CYYR1: variants seen among roughly 807,000 people sequenced by gnomAD.
The protein encoded by CYYR1 is cysteine and tyrosine rich 1.
In CYYR1, 14 loss-of-function variants were observed where a neutral mutation model predicts 15.2. The observed-to-expected ratio is 0.92, with a 90% CI of 0.61 to 1.44. The LOEUF (loss-of-function observed/expected upper bound fraction) is 1.44, where lower values mean the gene tolerates loss of function less well. Ranked by LOEUF, CYYR1 falls within the 40% of genes most tolerant of loss-of-function variation. The pLI is 0.00. For synonymous variants in CYYR1, 80 were observed against 77.4 expected, an observed-to-expected ratio of 1.03 and a Z score of -0.18; for missense variants, 228 against 209.5, an observed-to-expected ratio of 1.09 and a Z score of -0.54.
At chr21:26,564,048 G>A (rs1164537218) in intron 2 of CYYR1, among the ~76,000 whole-genome samples, 1 of 151,748 alleles carries the variant, frequency 6.6e-6, no homozygotes, top group Non-Finnish European at 1.5e-5. Flanking sequence ...GAATGTGCCC[G>A]GATGCTTGAA....
At chr21:26,548,433 A>G (rs1020759143) in intron 2 of CYYR1, among the ~76,000 whole-genome samples, 2 of 152,232 alleles carry the variant, frequency 1.3e-5, no homozygotes, top group Non-Finnish European at 2.9e-5. Flanking sequence ...TACAGCCTCG[A>G]ACTCCTGGGC....
At chr21:26,536,419 A>G (rs971670597) in intron 2 of CYYR1, among the ~76,000 whole-genome samples, 1 of 152,198 alleles carries the variant, frequency 6.6e-6, no homozygotes. Context: ...GGTATACCAA[A>G]GGGAGGTGAT....
chr21:26,518,908 C>A (rs1267986125), intron 2 of CYYR1, among the ~76,000 whole-genome samples: 1 of 152,184 alleles, frequency 6.6e-6, no homozygotes, highest in African/African-American at 2.4e-5. Flanking sequence ...GGAATCCGTA[C>A]AACTTTTTTC....
At chr21:26,474,168 T>A (rs1040575245) in intron 3 of CYYR1, among the ~76,000 whole-genome samples, 1 of 150,390 alleles carries the variant, frequency 6.6e-6, no homozygotes, top group Non-Finnish European at 1.5e-5. Flanking sequence ...TGCCTCAGCA[T>A]CCTGAGTAGC....
At chr21:26,500,368 G>C (rs1219213741) in intron 2 of CYYR1, among the ~76,000 whole-genome samples, 2 of 152,154 alleles carry the variant, frequency 1.3e-5, no homozygotes, top group Admixed American at 1.3e-4. Context: ...TCAGCCTGGA[G>C]CTCTTCTAGG....
At chr21:26,568,734 A>G (rs750686134) in intron 1 of CYYR1, 19 of 152,220 alleles carry the variant, frequency 1.2e-4, no homozygotes, top group Non-Finnish European at 1.8e-4. Flanking sequence ...TCCAGAATCT[A>G]TAAGGAGGTT....
rs561221232 is a variant in CYYR1, at chr21:26,490,341, G to A, written c.177-9912C>T. On this transcript the variant is annotated intron_variant, in intron 2 of 3. Coordinates refer to ENST00000652641, the MANE Select transcript of CYYR1 (RefSeq NM_001320768.2). Reference sequence around the variant, plus strand: ...ATATATATATATTGAGCATCACTACGTGCTAGCACTATTCTGGGTACTACG... The same window carrying A: ...ATATATATATATTGAGCATCACTACATGCTAGCACTATTCTGGGTACTACG... Among the ~76,000 whole-genome samples, 3 of 151,720 alleles carry A rather than the reference G, an allele frequency of 2.0e-5. 1 individual carries two copies. The highest frequency in any genetic ancestry group is 4.2e-4 in the South Asian group (2 of 4,816).
At chr21:26,478,031 A>C in intron 3 of CYYR1, 3 of 1,545,376 alleles carry the variant, frequency 1.9e-6, no homozygotes, top group Admixed American at 4.0e-5. Context: ...TGTGTTCATC[A>C]TTCATTCAGC....
Position 26,566,373 on chromosome 21 carries a change from A to C in CYYR1, c.74-5T>G. On this transcript the variant is annotated splice_region_variant and splice_polypyrimidine_tract_variant and intron_variant, in intron 1 of 3. Transcript: ENST00000652641. Reference sequence around the variant, plus strand: ...CACACTGAGCAAGGCAATCATCTACAAAACAAAAACCACTTGTGAGCAGTT... The same window carrying C: ...CACACTGAGCAAGGCAATCATCTACCAAACAAAAACCACTTGTGAGCAGTT... The C allele has an allele frequency of 1.2e-6, 2 of 1,606,366 alleles. No individual in the cohort carries two copies. Among genetic ancestry groups the C allele is most frequent in the Non-Finnish European group, 8.5e-7 (1 of 1,173,524 alleles).
intron 2 of CYYR1, among the ~76,000 whole-genome samples, chr21:26,491,168 T>G (rs759316371): frequency 2.0e-5 from 3 of 152,188 alleles, no homozygotes; most frequent in Non-Finnish European, 4.4e-5. Flanking sequence ...ATTCCAAGCC[T>G]AAAAAATCTT....
intron 2 of CYYR1, among the ~76,000 whole-genome samples, chr21:26,492,133 C>T (rs1257863688): frequency 2.6e-5 from 4 of 152,196 alleles, no homozygotes; most frequent in African/African-American, 7.2e-5. Flanking sequence ...CACAAGCAAC[C>T]TATTTTCATC....
intron 2 of CYYR1, among the ~76,000 whole-genome samples, chr21:26,545,038 T>C (rs2030460041): frequency 6.6e-6 from 1 of 152,160 alleles, no homozygotes; most frequent in Admixed American, 6.5e-5. Context: ...CCCAAATCAT[T>C]TCAGAGTAGA....
intron 2 of CYYR1, among the ~76,000 whole-genome samples, chr21:26,547,479 T>C (rs1292780762): frequency 1.3e-5 from 2 of 152,154 alleles, no homozygotes; most frequent in African/African-American, 2.4e-5. Context: ...TTCAAGCCCA[T>C]TTAATTTGCC....
At chr21:26,514,137 C>T (rs1193577171) in intron 2 of CYYR1, among the ~76,000 whole-genome samples, 7 of 152,068 alleles carry the variant, frequency 4.6e-5, no homozygotes, top group South Asian at 4.2e-4. Flanking sequence ...GAGTCCCAGA[C>T]GTTGGGTGGG....
At chr21:26,561,625 G>GT (rs142050207) in intron 2 of CYYR1, among the ~76,000 whole-genome samples, 8,570 of 151,844 alleles carry the variant, frequency 0.056, 263 homozygotes, top group Non-Finnish European at 0.064. Context: ...CTCCCTCTTG[G>GT]TTTTTTTTCC....
chr21:26,515,558 T>C (rs1218898860), intron 2 of CYYR1, among the ~76,000 whole-genome samples: 1 of 152,020 alleles, frequency 6.6e-6, no homozygotes, highest in Non-Finnish European at 1.5e-5. Context: ...GATGGGGTTT[T>C]GTCATGTTGC....
chr21:26,473,875 G>A (rs2065066881), intron 3 of CYYR1, among the ~76,000 whole-genome samples: 1 of 152,074 alleles, frequency 6.6e-6, no homozygotes, highest in Non-Finnish European at 1.5e-5. Context: ...CACTACCAAA[G>A]CACAGCTATT....
chr21:26,492,780 T>G (rs566099183), intron 2 of CYYR1, among the ~76,000 whole-genome samples: 2 of 152,154 alleles, frequency 1.3e-5, no homozygotes, highest in East Asian at 3.9e-4. Flanking sequence ...ATTTTAAATA[T>G]CTCTAGCCTA....
At position 26,565,938 on chromosome 21, in the gene CYYR1, C is replaced by T. The variant is rs113431668; in HGVS notation, c.176+328G>A. On this transcript the variant is annotated intron_variant, in intron 2 of 3. Transcript: ENST00000652641. ...TTAACTTGCACAAAACAGACAAAAC[C>T]ATATCACTGATGATGTTATAAAATT... 1.3e-3 allele frequency among the ~76,000 whole-genome samples: 194 copies of T among 152,206 alleles called. 1 individual carries two copies. The highest frequency in any genetic ancestry group is 2.9e-3 in the Admixed American group (45 of 15,296).
Sources: gnomAD v4.1 joint callset for allele counts (sites outside exome capture counted in the v4.1 genomes callset) on GRCh38, gnomAD v4.1.1 for gene constraint, MANE v1.5 for transcripts, NCBI Gene and HGNC (gene_info 2026-07-23, HGNC 2026-07-21) for gene names.